DAB1: variants seen among roughly 807,000 people sequenced by gnomAD.
The protein encoded by DAB1 is disabled homolog 1.
In DAB1, 15 loss-of-function variants were observed where a neutral mutation model predicts 64.6. The observed-to-expected ratio is 0.23, with a 90% confidence interval of 0.16 to 0.36. The LOEUF is 0.36. Among genes scored for constraint, DAB1 ranks in the 10% least tolerant of loss-of-function variants. DAB1 has a pLI of 1.00. For missense variants in DAB1, 596 were observed against 706.7 expected, an observed-to-expected ratio of 0.84 and a Z score of 1.78; for synonymous variants, 235 against 251.9, an observed-to-expected ratio of 0.93 and a Z score of 0.64.
At chr1:58,058,141 T>C (rs1485207230) in intron 5 of DAB1, among the ~76,000 whole-genome samples, 1 of 152,160 alleles carries the variant, frequency 6.6e-6, no homozygotes, top group African/African-American at 2.4e-5. Context: ...TATTCTTAGT[T>C]GTATTATGGG....
intron 7 of DAB1, among the ~76,000 whole-genome samples, chr1:57,559,075 G>A (rs925463997): frequency 5.9e-5 from 9 of 152,150 alleles, no homozygotes; most frequent in African/African-American, 1.9e-4. Context: ...GGGCCAAGTG[G>A]TACATTCAAC....
chr1:58,249,887 A>T (rs1386102160), intron 4 of DAB1, among the ~76,000 whole-genome samples: 1 of 152,016 alleles, frequency 6.6e-6, no homozygotes, highest in Admixed American at 6.5e-5. Context: ...TTTGCGCGCC[A>T]CCCAAAACTT....
chr1:58,163,241 T>C (rs559149407), intron 4 of DAB1, among the ~76,000 whole-genome samples: 2 of 152,284 alleles, frequency 1.3e-5, no homozygotes, highest in South Asian at 4.1e-4. Context: ...AGGATAGCGT[T>C]GTAACTAAGT....
At chr1:57,585,398 T>C (rs1447375793) in intron 7 of DAB1, among the ~76,000 whole-genome samples, 1 of 152,164 alleles carries the variant, frequency 6.6e-6, no homozygotes, top group Admixed American at 6.5e-5. Flanking sequence ...GTTGCCAATA[T>C]TTTTTTAAAC....
At chr1:58,289,683 G>A (rs1290492676) in intron 4 of DAB1, among the ~76,000 whole-genome samples, 1 of 152,158 alleles carries the variant, frequency 6.6e-6, no homozygotes, top group Non-Finnish European at 1.5e-5. Context: ...TGATGATTTA[G>A]AATTTGCTAC....
chr1:57,644,016 C>A (rs1461230405), intron 7 of DAB1, among the ~76,000 whole-genome samples: 1 of 152,204 alleles, frequency 6.6e-6, no homozygotes, highest in Non-Finnish European at 1.5e-5. Flanking sequence ...TCTTCTGATT[C>A]TAAATTCTGT....
chr1:58,116,000 T>A (rs1013466267), intron 5 of DAB1, among the ~76,000 whole-genome samples: 56 of 149,074 alleles, frequency 3.8e-4, no homozygotes, highest in Non-Finnish European at 7.1e-4. Flanking sequence ...AAAAAAAAAA[T>A]TAATATTAAA....
intron 6 of DAB1, among the ~76,000 whole-genome samples, chr1:57,693,993 T>C (rs921311746): frequency 2.6e-5 from 4 of 152,202 alleles, no homozygotes; most frequent in African/African-American, 9.6e-5. Context: ...TTTGCTTTAG[T>C]TGCCTGTGCT....
chr1:57,233,149 T>A (rs1019166813), intron 2 of DAB1, among the ~76,000 whole-genome samples: 23 of 151,594 alleles, frequency 1.5e-4, no homozygotes, highest in African/African-American at 5.3e-4. Context: ...CAAGTTGGGA[T>A]CCCACTTGGA....
At chr1:58,087,960 T>G (rs1650421454) in intron 5 of DAB1, among the ~76,000 whole-genome samples, 1 of 152,226 alleles carries the variant, frequency 6.6e-6, no homozygotes, top group Non-Finnish European at 1.5e-5. Flanking sequence ...GTGTTCCCAC[T>G]CTGCTGGGGA....
Position 58,096,382 on chromosome 1 carries a change from T to C in DAB1, n.387+54129A>G, listed in dbSNP as rs139586611. On this transcript the variant is annotated intron_variant and non_coding_transcript_variant, in intron 5 of 20. Transcript: ENST00000485760. ...GTAGGTATAAATTGATCATAAGTGA[T>C]GGCCTTACAGACTTCTCTAGCTAAT... Among the ~76,000 whole-genome samples, 94 of 152,360 alleles carry C rather than the reference T, an allele frequency of 6.2e-4. 1 individual carries two copies. In the East Asian group the frequency reaches 0.017, roughly 27 times the overall value.
intron 3 of DAB1, among the ~76,000 whole-genome samples, chr1:57,142,236 G>T (rs1165617611): frequency 6.6e-6 from 1 of 152,118 alleles, no homozygotes; most frequent in Admixed American, 6.5e-5. Flanking sequence ...ACACGCACCA[G>T]CTTCAGAGAG....
intron 5 of DAB1, among the ~76,000 whole-genome samples, chr1:57,926,724 TTAC>T (rs1644885392): frequency 2.0e-5 from 3 of 152,218 alleles, no homozygotes; most frequent in Admixed American, 6.5e-5. Flanking sequence ...TGGCCTCTAC[TTAC>T]AAAACCTTGT....
intron 3 of DAB1, among the ~76,000 whole-genome samples, chr1:57,137,669 A>C (rs1354299831): frequency 2.0e-5 from 3 of 152,192 alleles, no homozygotes; most frequent in African/African-American, 7.2e-5. Flanking sequence ...TAAAGATGGC[A>C]AGATTAAGCC....
intron 2 of DAB1, among the ~76,000 whole-genome samples, chr1:57,229,112 A>T (rs1667483603): frequency 6.6e-6 from 1 of 152,170 alleles, no homozygotes; most frequent in Non-Finnish European, 1.5e-5. Context: ...TTAAACACAA[A>T]ACTCAAAATA....
At chr1:57,668,677 CAAACTTG>C in intron 6 of DAB1, among the ~76,000 whole-genome samples, 1 of 152,056 alleles carries the variant, frequency 6.6e-6, no homozygotes, top group Non-Finnish European at 1.5e-5. Context: ...TGCCTCTTAA[CAAACTTG>C]AATCAAATGA....
chr1:57,018,182 A>G (rs1459217342), intron 11 of DAB1, among the ~76,000 whole-genome samples: 1 of 152,180 alleles, frequency 6.6e-6, no homozygotes, highest in African/African-American at 2.4e-5. Flanking sequence ...TGCACAGGAG[A>G]GAAGACTGTA....
chr1:58,272,689 C>T (rs1383020668), intron 4 of DAB1, among the ~76,000 whole-genome samples: 1 of 149,960 alleles, frequency 6.7e-6, no homozygotes, highest in Non-Finnish European at 1.5e-5. Flanking sequence ...TCACGACTTG[C>T]TTTATGAATC....
At chr1:58,195,033 C>T (rs1158762281) in intron 4 of DAB1, among the ~76,000 whole-genome samples, 3 of 152,090 alleles carry the variant, frequency 2.0e-5, no homozygotes, top group South Asian at 2.1e-4. Context: ...AATTTTGATT[C>T]ACACTTGAAT....
Sources: gnomAD v4.1 joint callset for allele counts (sites outside exome capture counted in the v4.1 genomes callset) on GRCh38, gnomAD v4.1.1 for gene constraint, MANE v1.5 for transcripts, NCBI Gene and HGNC (gene_info 2026-07-23, HGNC 2026-07-21) for gene names.